The following GARIN2 variants were observed in gnomAD, a reference collection of about 807,000 sequenced individuals.
GARIN2 encodes golgi associated RAB2 interactor family member 2.
the GARIN2 span, among the ~76,000 whole-genome samples, chr14:67,192,098 C>T: frequency 2.0e-5 from 3 of 152,240 alleles, no homozygotes; most frequent in African/African-American, 7.2e-5. Context: ...GCCACCCTCG[C>T]TCTGCAGCGC....
chr14:67,206,047 G>A, the GARIN2 span, among the ~76,000 whole-genome samples: 1 of 152,246 alleles, frequency 6.6e-6, no homozygotes, highest in African/African-American at 2.4e-5. Context: ...AGCTGGCCAT[G>A]GTGGTGTATG....
the GARIN2 span, among the ~76,000 whole-genome samples, chr14:67,212,623 TATTATATATA>T: frequency 2.1e-5 from 3 of 145,100 alleles, no homozygotes; most frequent in Non-Finnish European, 4.5e-5. Flanking sequence ...ATGTAATATA[TATTATATATA>T]ATATATATTA....
the GARIN2 span, chr14:67,199,358 G>A: frequency 1.2e-6 from 2 of 1,613,938 alleles, no homozygotes; most frequent in Non-Finnish European, 1.7e-6. Flanking sequence ...GGATGTAGGG[G>A]CCAACATTTT....
chr14:67,208,514 C>A, the GARIN2 span: 1 of 1,507,666 alleles, frequency 6.6e-7, no homozygotes, highest in Admixed American at 2.1e-5. Flanking sequence ...GAAATATGTG[C>A]TTTAGTCTCT....
At chr14:67,206,212 G>A in the GARIN2 span, among the ~76,000 whole-genome samples, 125 of 151,640 alleles carry the variant, frequency 8.2e-4, 5 homozygotes, top group Admixed American at 3.3e-4. Flanking sequence ...AAAGAAAGAT[G>A]GTAGGGATGG....
chr14:67,218,440 C>A, the GARIN2 span, among the ~76,000 whole-genome samples: 1 of 152,154 alleles, frequency 6.6e-6, no homozygotes, highest in South Asian at 2.1e-4. Flanking sequence ...CAGGGACGTG[C>A]TCACTGGGGA....
the GARIN2 span, chr14:67,197,233 T>A: frequency 0.16 from 24,450 of 152,214 alleles, 3,728 homozygotes; most frequent in East Asian, 0.42. Flanking sequence ...CTGGCCTGTA[T>A]ACATTTGATT....
chr14:67,219,595 T>C, the GARIN2 span, among the ~76,000 whole-genome samples: 3 of 152,216 alleles, frequency 2.0e-5, no homozygotes, highest in African/African-American at 7.2e-5. Flanking sequence ...AGAATAACTT[T>C]GTTAGGATGA....
chr14:67,223,629 C>A, the GARIN2 span: 1 of 727,444 alleles, frequency 1.4e-6, no homozygotes, highest in Non-Finnish European at 1.7e-6. Flanking sequence ...GGTGGCACAA[C>A]TTACAAAATG....
the GARIN2 span, among the ~76,000 whole-genome samples, chr14:67,203,514 CA>C: frequency 6.6e-6 from 1 of 152,186 alleles, no homozygotes; most frequent in African/African-American, 2.4e-5. Flanking sequence ...ATCTAATTAA[CA>C]GGAACTGAAG....
chr14:67,208,973 A>C, the GARIN2 span, among the ~76,000 whole-genome samples: 1 of 152,116 alleles, frequency 6.6e-6, no homozygotes, highest in African/African-American at 2.4e-5. Context: ...TCAAAGATTT[A>C]TGATGTACCA....
the GARIN2 span, among the ~76,000 whole-genome samples, chr14:67,195,770 G>C: frequency 6.6e-6 from 1 of 150,800 alleles, no homozygotes; most frequent in Non-Finnish European, 1.5e-5. Context: ...TTGAGACAGA[G>C]TCTTGCTCTG....
the GARIN2 span, chr14:67,208,043 A>T: frequency 1.6e-6 from 1 of 637,856 alleles, no homozygotes; most frequent in Non-Finnish European, 1.9e-6. Context: ...GGCTCTCCCA[A>T]TGGTCGTGCC....
chr14:67,192,107 G>T, the GARIN2 span, among the ~76,000 whole-genome samples: 1 of 152,314 alleles, frequency 6.6e-6, no homozygotes, highest in South Asian at 2.1e-4. Flanking sequence ...GCTCTGCAGC[G>T]CAGCAAAAGC....
At chr14:67,208,430 C>A in the GARIN2 span, 1 of 1,613,692 alleles carries the variant, frequency 6.2e-7, no homozygotes, top group Non-Finnish European at 8.5e-7. Context: ...GAGCACAGCT[C>A]TCAAGGCTGA....
chr14:67,220,703 T>C, the GARIN2 span, among the ~76,000 whole-genome samples: 1 of 152,224 alleles, frequency 6.6e-6, no homozygotes, highest in African/African-American at 2.4e-5. Flanking sequence ...CAGGCTTTAT[T>C]TTAATTTGCA....
the GARIN2 span, among the ~76,000 whole-genome samples, chr14:67,195,118 A>G: frequency 1.1e-3 from 160 of 152,358 alleles, no homozygotes; most frequent in African/African-American, 3.6e-3. Context: ...CACACTTCTC[A>G]GCTATATGCA....
the GARIN2 span, among the ~76,000 whole-genome samples, chr14:67,213,313 C>A: frequency 9.5e-6 from 1 of 105,694 alleles, no homozygotes; most frequent in African/African-American, 3.6e-5. Flanking sequence ...ATCCCTCCCC[C>A]CTCCCCCCAC....
the GARIN2 span, among the ~76,000 whole-genome samples, chr14:67,193,637 A>G: frequency 6.8e-6 from 1 of 147,326 alleles, no homozygotes; most frequent in Admixed American, 6.8e-5. Context: ...ATCTATATAG[A>G]TATAGATATA....
Sources: gnomAD v4.1 joint callset for allele counts (sites outside exome capture counted in the v4.1 genomes callset) on GRCh38, gnomAD v4.1.1 for gene constraint, MANE v1.5 for transcripts, NCBI Gene and HGNC (gene_info 2026-07-23, HGNC 2026-07-21) for gene names.